Variants in SLC7A6OS observed in about 807,000 individuals in gnomAD.
SLC7A6OS encodes probable RNA polymerase II nuclear localization protein SLC7A6OS.
In SLC7A6OS, 22 loss-of-function variants were observed where a neutral mutation model predicts 34.3. That is an observed-to-expected ratio of 0.64 (90% CI 0.46 to 0.92). SLC7A6OS has a LOEUF of 0.92. Ranked by LOEUF, SLC7A6OS falls within the 40% of genes least tolerant of loss-of-function variation. The pLI, the probability that SLC7A6OS is intolerant of heterozygous loss-of-function variation, is 0.00. For synonymous variants in SLC7A6OS, 199 were observed against 165.0 expected, an observed-to-expected ratio of 1.21 and a Z score of -1.58; for missense variants, 434 against 407.7, an observed-to-expected ratio of 1.06 and a Z score of -0.56.
At chr16:68,307,912 G>GT (rs2043337708) in intron 2 of SLC7A6OS, among the ~76,000 whole-genome samples, 1 of 151,992 alleles carries the variant, frequency 6.6e-6, no homozygotes, top group Admixed American at 6.6e-5. Flanking sequence ...ATTTACTCTT[G>GT]TTTTTTGAGA....
chr16:68,301,474 T>A lies in SLC7A6OS; in HGVS notation c.800-69A>T. Reference sequence around the variant, plus strand: ...AGGCTACTGCAGGAGCCCCTTCTCTTCTCAGAAAGGTCTGTTTTTGTTCCC... The same window carrying A: ...AGGCTACTGCAGGAGCCCCTTCTCTACTCAGAAAGGTCTGTTTTTGTTCCC... On this transcript the variant is annotated intron_variant, in intron 4 of 4. Coordinates refer to ENST00000263997, the MANE Select transcript of SLC7A6OS (RefSeq NM_032178.3). The A allele has an allele frequency of 2.1e-6, 3 of 1,429,546 alleles. No homozygotes were observed. The South Asian group carries it at 3.8e-5, about 18-fold the overall frequency. The allele number at this position is 1,429,546 out of a possible 1,614,324, so 88.6% of individuals were successfully genotyped here.
chr16:68,310,493 C>T lies in SLC7A6OS; in HGVS notation c.313G>A (p.Val105Met), dbSNP rs1322671574. 1.3e-6 allele frequency: 2 copies of T among 1,588,256 alleles called. No individual in the cohort carries two copies. Among genetic ancestry groups the T allele is most frequent in the South Asian group, 1.1e-5 (1 of 88,468 alleles). Reference sequence around the variant, plus strand: ...CCCAAGGATCGGCGGCTGGAAAGCACCCGGTAGCGGCCCTCCTGCCGGACC... The same window carrying T: ...CCCAAGGATCGGCGGCTGGAAAGCATCCGGTAGCGGCCCTCCTGCCGGACC... ...REVRQEGRYR[V>M]LSSRRSLGTT... The change falls in exon 2 of 5, where the codon GTG (valine) becomes ATG (methionine). Residue 105 changes from valine to methionine, a missense_variant. By Grantham distance (21) the Val-to-Met change is conservative. Coordinates refer to ENST00000263997, the MANE Select transcript of SLC7A6OS (RefSeq NM_032178.3).
Position 68,304,085 on chromosome 16 carries a change from T to A in SLC7A6OS, c.619A>T (p.Thr207Ser). 1 of 1,613,960 alleles carries A rather than the reference T, an allele frequency of 6.2e-7. No individual in the cohort carries two copies. Among genetic ancestry groups the A allele is most frequent in the East Asian group, 2.2e-5 (1 of 44,870 alleles). The stretch of plus-strand genomic sequence containing the variant: ...AGGATGTTCTCAATCCAGCCTGGAG[T>A]GGCCGTCTCCAAGTAGTAAATGTCA... ...VYDIYYLETA[T>S]PGWIENILSV... is the part of the protein sequence containing the mutation. The change falls in exon 3 of 5, where the codon ACT becomes TCT. Residue 207 changes from threonine (T) to serine (S), a missense_variant. By Grantham distance (58) the Thr-to-Ser change is moderately conservative. Transcript: ENST00000263997.
intron 4 of SLC7A6OS, 86 bp from the exon 5 acceptor site, chr16:68,301,491 TTTG>T: frequency 8.3e-7 from 1 of 1,212,074 alleles, no homozygotes; most frequent in Non-Finnish European, 1.2e-6. Flanking sequence ...AAGGTCTGTT[TTTG>T]TTCCCGATTG....
chr16:68,300,864 G>A lies in SLC7A6OS; in HGVS notation c.*411C>T. On this transcript the variant is annotated 3_prime_UTR_variant, in exon 5 of 5. Transcript: ENST00000263997. ...TTTTAGATTCTATCAAAAGGAACAG[G>A]GTTTTCCTAGAGGCAGGCAGCCTGG... 1 of 989,144 alleles carries A rather than the reference G, an allele frequency of 1.0e-6. No homozygotes were observed. The highest frequency in any genetic ancestry group is 1.2e-6 in the Non-Finnish European group (1 of 832,508). 61.3% of individuals were successfully genotyped at this position (989,144 alleles called of 1,614,324 possible).
rs199505199 is a variant in SLC7A6OS, at chr16:68,304,654, T to C, written c.472-422A>G. On this transcript the variant is annotated intron_variant, in intron 2 of 4. Transcript: ENST00000263997. ...CATAGTGTTGTGGTCAAGATTCTTATCCCCATGAATTCCTAGTCTTTTAAT... is the reference window on the plus strand; with the variant it reads ...CATAGTGTTGTGGTCAAGATTCTTACCCCCATGAATTCCTAGTCTTTTAAT... Among the ~76,000 whole-genome samples the C allele has an allele frequency of 2.0e-5, 3 of 152,248 alleles. No individual in the cohort carries two copies. In the East Asian group the frequency reaches 5.8e-4, roughly 29 times the overall value.
At chr16:68,304,524 G>A (rs555459005) in intron 2 of SLC7A6OS, among the ~76,000 whole-genome samples, 1 of 152,158 alleles carries the variant, frequency 6.6e-6, no homozygotes, top group East Asian at 1.9e-4. Context: ...GTTTCACTGT[G>A]TTAGCCAGGA....
Position 68,304,008 on chromosome 16 carries a change from G to A in SLC7A6OS, c.678+18C>T. ...GCTTAGGATGCCTCATGCCCCGTCTGCTCATGGGCCCCCTTACCAGCTCCC... is the reference window on the plus strand; with the variant it reads ...GCTTAGGATGCCTCATGCCCCGTCTACTCATGGGCCCCCTTACCAGCTCCC... On this transcript the variant is annotated intron_variant, in intron 3 of 4. Coordinates refer to ENST00000263997, the MANE Select transcript of SLC7A6OS (RefSeq NM_032178.3). 1.2e-6 allele frequency: 2 copies of A among 1,609,588 alleles called. No individual in the cohort carries two copies. The highest frequency in any genetic ancestry group is 8.5e-7 in the Non-Finnish European group (1 of 1,177,114).
Position 68,299,269 on chromosome 16 carries a change from T to G in SLC7A6OS, c.*2006A>C, listed in dbSNP as rs1029760595. On this transcript the variant is annotated 3_prime_UTR_variant, in exon 5 of 5. Transcript: ENST00000263997. Reference sequence around the variant, plus strand: ...AAAGATCCCTGACCCCAGCTTTAGCTTTCTCCACCAGATAACCAGCTAATC... The same window carrying G: ...AAAGATCCCTGACCCCAGCTTTAGCGTTCTCCACCAGATAACCAGCTAATC... 1 of 152,666 alleles carries G rather than the reference T, an allele frequency of 6.6e-6. No individual in the cohort carries two copies. The highest frequency in any genetic ancestry group is 2.4e-5 in the African/African-American group (1 of 41,460). The allele number at this position is 152,666 out of a possible 1,614,324, so 9.5% of individuals were successfully genotyped here.
rs1186750811 is a variant in SLC7A6OS at position 68,300,122 on chromosome 16, C to T, written c.*1153G>A. 1.3e-5 allele frequency: 2 copies of T among 152,186 alleles called. No homozygotes were observed. Among genetic ancestry groups the T allele is most frequent in the African/African-American group, 4.8e-5 (2 of 41,458 alleles). The allele number at this position is 152,186 out of a possible 1,614,324, so 9.4% of individuals were successfully genotyped here. The stretch of plus-strand genomic sequence containing the variant: ...AATGTTCTGTGTTGTTTCCTTAGAC[C>T]TGTGGTGTCCGCTGCAACAGCTACT... On this transcript the variant is annotated 3_prime_UTR_variant, in exon 5 of 5. Transcript: ENST00000263997.
rs775753104 is a variant in SLC7A6OS at position 68,304,145 on chromosome 16, G to A, written c.559C>T (p.Arg187Cys). 19 of 1,613,976 alleles carry A rather than the reference G, an allele frequency of 1.2e-5. No individual in the cohort carries two copies. In the East Asian group the frequency reaches 3.3e-4, roughly 28 times the overall value. ...TVSEDGPGVR[R>C]QEEQKHDDYV... ...TCATCGTGTTTTTGTTCTTCCTGGC[G>A]CCTGACTCCTGGTCCATCCTCAGAC... The change falls in exon 3 of 5, where the codon CGC becomes TGC. Residue 187 changes from arginine to cysteine, a missense_variant. Arg to Cys is a radical substitution (Grantham distance 180). Transcript: ENST00000263997.
At chr16:68,305,737 C>A (rs2151240777) in intron 2 of SLC7A6OS, among the ~76,000 whole-genome samples, 1 of 152,298 alleles carries the variant, frequency 6.6e-6, no homozygotes, top group Middle Eastern at 3.4e-3. Context: ...CCCCTAAGTC[C>A]CTCCACTCAG....
chr16:68,304,934 TC>T (rs1181209783), intron 2 of SLC7A6OS, among the ~76,000 whole-genome samples: 1 of 152,094 alleles, frequency 6.6e-6, no homozygotes, highest in Admixed American at 6.5e-5. Context: ...GCACCTGTAG[TC>T]CCAGGTACTC....
intron 2 of SLC7A6OS, among the ~76,000 whole-genome samples, chr16:68,306,851 C>A (rs951502685): frequency 6.6e-6 from 1 of 151,982 alleles, no homozygotes; most frequent in Non-Finnish European, 1.5e-5. Flanking sequence ...TTCATTCATT[C>A]ATTCACTCAG....
rs146987166 is a variant in SLC7A6OS at position 68,308,192 on chromosome 16, G to A, written c.471+2143C>T. ...GCTGGGATTACAGGCATGAGCCACT[G>A]TGCCCGGCCTAGTGAACTATTTACT... On this transcript the variant is annotated intron_variant, in intron 2 of 4. Transcript: ENST00000263997. 2.2e-3 allele frequency among the ~76,000 whole-genome samples: 338 copies of A among 151,838 alleles called. 2 individuals are homozygous for A. The highest frequency in any genetic ancestry group is 3.9e-3 in the South Asian group (19 of 4,814).
rs779786318 is a variant in SLC7A6OS, at chr16:68,304,086, G to A, written c.618C>T (p.Ala206=). ...GGATGTTCTCAATCCAGCCTGGAGT[G>A]GCCGTCTCCAAGTAGTAAATGTCAT... ...YVYDIYYLET[A]TPGWIENILS... Residue 206 remains alanine, a synonymous_variant, in exon 3 of 5, where the codon GCC becomes GCT. Coordinates refer to ENST00000263997, the MANE Select transcript of SLC7A6OS (RefSeq NM_032178.3). 1 of 1,614,072 alleles carries A rather than the reference G, an allele frequency of 6.2e-7. No individual in the cohort carries two copies. Among genetic ancestry groups the A allele is most frequent in the Non-Finnish European group, 8.5e-7 (1 of 1,180,012 alleles).
intron 3 of SLC7A6OS, among the ~76,000 whole-genome samples, chr16:68,302,831 G>C (rs545988635): frequency 6.6e-6 from 1 of 152,340 alleles, no homozygotes; most frequent in African/African-American, 2.4e-5. Context: ...AAAGGCAGGA[G>C]GAAGGGCCAT....
chr16:68,304,261 A>G, intron 2 of SLC7A6OS, 29 bp from the exon 3 acceptor site: 1 of 1,582,520 alleles, frequency 6.3e-7, no homozygotes, highest in South Asian at 1.1e-5. Flanking sequence ...TTACACACAC[A>G]CGCATGACCC....
chr16:68,306,569 C>T (rs1211603544), intron 2 of SLC7A6OS, among the ~76,000 whole-genome samples: 4 of 152,146 alleles, frequency 2.6e-5, no homozygotes, highest in Non-Finnish European at 5.9e-5. Context: ...TGGCCTTGAA[C>T]TCCTAGCCTT....
Sources: allele counts gnomAD v4.1 joint callset (sites outside exome capture counted in the v4.1 genomes callset), GRCh38; gene constraint gnomAD v4.1.1; transcripts MANE v1.5; gene names NCBI Gene and HGNC (gene_info 2026-07-23, HGNC 2026-07-21).